DENND4C: variants seen among roughly 807,000 people sequenced by gnomAD.
The protein encoded by DENND4C is DENN domain-containing protein 4C.
In DENND4C, 108 loss-of-function variants were observed where a neutral mutation model predicts 203.0. That is an observed-to-expected ratio of 0.53 (90% CI 0.46 to 0.62). The LOEUF (loss-of-function observed/expected upper bound fraction) is 0.62, where lower values mean the gene tolerates loss of function less well. DENND4C is among the 20% of genes least tolerant of loss of function. The probability of loss-of-function intolerance (pLI) is 0.00; values close to 1 mark genes in which losing one functional copy is unlikely to be tolerated. For synonymous variants in DENND4C, 871 were observed against 792.4 expected, an observed-to-expected ratio of 1.10 and a Z score of -1.67; for missense variants, 2,481 against 2,301.2, an observed-to-expected ratio of 1.08 and a Z score of -1.60.
In DENND4C at chr9:19,372,391, C is replaced by T. The variant is rs1446002968; in HGVS notation, c.*218C>T. The stretch of plus-strand genomic sequence containing the variant: ...GCTTATTAATATTGAAGATTTTCAA[C>T]CCCTGAACTGCTTTTCTGCCTCTGT... On this transcript the variant is annotated 3_prime_UTR_variant, in exon 33 of 33. Coordinates refer to ENST00000434457, the MANE Select transcript of DENND4C (RefSeq NM_001330640.2). 2 of 457,434 alleles carry T rather than the reference C, an allele frequency of 4.4e-6. No homozygotes were observed. Among genetic ancestry groups the T allele is most frequent in the Non-Finnish European group, 7.2e-6 (2 of 277,450 alleles). 28.3% of individuals were successfully genotyped at this position (457,434 alleles called of 1,614,324 possible).
Position 19,346,861 on chromosome 9 carries a change from C to T in DENND4C, c.4092C>T (p.Pro1364=), listed in dbSNP as rs749228987. ...TFTGRFKQQT[P]SRTHKERSTS... ...CTGGGCGTTTCAAGCAGCAAACCCC[C>T]TCTCGAACTCATAAAGAACGTTCAA... The change falls in exon 23 of 33, where the codon CCC becomes CCT. Residue 1364 remains proline (P), a synonymous_variant. Coordinates refer to ENST00000434457, the MANE Select transcript of DENND4C (RefSeq NM_001330640.2). 3.3e-5 allele frequency: 53 copies of T among 1,614,112 alleles called. No homozygotes were observed. Among genetic ancestry groups the T allele is most frequent in the Non-Finnish European group, 4.2e-5 (49 of 1,180,046 alleles).
intron 30 of DENND4C, among the ~76,000 whole-genome samples, chr9:19,366,937 T>C (rs992471721): frequency 1.3e-5 from 2 of 152,186 alleles, no homozygotes; most frequent in African/African-American, 4.8e-5. Context: ...GGAGGAGATA[T>C]TTGCAAATCA....
intron 1 of DENND4C, among the ~76,000 whole-genome samples, chr9:19,241,557 C>T (rs1270042476): frequency 1.3e-5 from 2 of 148,600 alleles, no homozygotes; most frequent in Non-Finnish European, 3.0e-5. Context: ...GAAATGAAAA[C>T]ATAAGCGCAC....
intron 30 of DENND4C, among the ~76,000 whole-genome samples, chr9:19,368,758 C>G (rs1404814121): frequency 6.6e-6 from 1 of 152,048 alleles, no homozygotes; most frequent in Non-Finnish European, 1.5e-5. Flanking sequence ...TGTGATTGCA[C>G]GACTTCACTC....
intron 1 of DENND4C, among the ~76,000 whole-genome samples, chr9:19,253,382 T>C (rs904143356): frequency 2.6e-5 from 4 of 152,220 alleles, no homozygotes; most frequent in African/African-American, 9.6e-5. Context: ...CTCTTATGTA[T>C]AAAACTTTCA....
intron 12 of DENND4C, among the ~76,000 whole-genome samples, chr9:19,317,757 A>G (rs1366804964): frequency 4.6e-5 from 7 of 152,240 alleles, no homozygotes; most frequent in Non-Finnish European, 1.0e-4. Flanking sequence ...TAAAAATAGA[A>G]CAAGTACTCA....
intron 16 of DENND4C, among the ~76,000 whole-genome samples, chr9:19,328,439 C>T (rs1392333894): frequency 1.3e-5 from 2 of 151,878 alleles, no homozygotes; most frequent in South Asian, 2.1e-4. Flanking sequence ...ATGGTGAAAC[C>T]CCATCTCCAT....
chr9:19,333,140 G>A (rs894756227), intron 17 of DENND4C, among the ~76,000 whole-genome samples: 2 of 151,870 alleles, frequency 1.3e-5, no homozygotes, highest in African/African-American at 4.8e-5. Context: ...TCAGCCTCCT[G>A]AGTAGCTGGG....
rs34167347 is a variant in DENND4C at position 19,278,074 on chromosome 9, CTTTTTTT to C, written c.305+1605_305+1611del. ...TTCTAATTCATGAAGCCTTTTTTTT[CTTTTTTT>C]TTTTTTTTTGAACACTTGGTTGCTG... On this transcript the variant is annotated intron_variant, in intron 2 of 32. Coordinates refer to ENST00000434457, the MANE Select transcript of DENND4C (RefSeq NM_001330640.2). 6.7e-5 allele frequency among the ~76,000 whole-genome samples: 8 copies of C among 120,294 alleles called. No homozygotes were observed. In the East Asian group the frequency reaches 1.4e-3, roughly 22 times the overall value. 78.9% of individuals were successfully genotyped at this position (120,294 alleles called of 152,430 possible).
At chr9:19,335,206 G>A (rs1820166683) in intron 18 of DENND4C, 101 bp downstream of exon 18, 1 of 754,274 alleles carries the variant, frequency 1.3e-6, no homozygotes, top group Non-Finnish European at 1.8e-6. Context: ...GAAGTTTTGG[G>A]ATATAATTTT....
chr9:19,308,030 G>C (rs549964893), intron 10 of DENND4C, among the ~76,000 whole-genome samples: 112 of 152,040 alleles, frequency 7.4e-4, no homozygotes, highest in Non-Finnish European at 1.2e-4. Context: ...ATAGTTTTCT[G>C]TGAATTACTT....
chr9:19,351,991 C>T (rs1365567518), intron 24 of DENND4C, 82 bp from the exon 25 acceptor site: 22 of 1,075,082 alleles, frequency 2.0e-5, no homozygotes, highest in Non-Finnish European at 3.0e-5. Flanking sequence ...TATTCTGTGT[C>T]CCCCCTAAAT....
chr9:19,351,125 A>C (rs962570251), intron 24 of DENND4C, among the ~76,000 whole-genome samples: 1 of 151,974 alleles, frequency 6.6e-6, no homozygotes. Flanking sequence ...CATTTGTTGA[A>C]ATGATTGAGA....
intron 1 of DENND4C, among the ~76,000 whole-genome samples, chr9:19,246,395 T>C (rs572252035): frequency 6.6e-6 from 1 of 152,190 alleles, no homozygotes; most frequent in African/African-American, 2.4e-5. Context: ...GAAGACTATG[T>C]AATCTCTTTC....
At position 19,336,683 on chromosome 9, in the gene DENND4C, T is replaced by C. The variant is rs753277330; in HGVS notation, c.2735-3T>C. 1 of 1,550,704 alleles carries C rather than the reference T, an allele frequency of 6.4e-7. No homozygotes were observed. Among genetic ancestry groups the C allele is most frequent in the South Asian group, 1.2e-5 (1 of 83,952 alleles). On this transcript the variant is annotated splice_region_variant and splice_polypyrimidine_tract_variant and intron_variant, in intron 19 of 32. Coordinates refer to ENST00000434457, the MANE Select transcript of DENND4C (RefSeq NM_001330640.2). ...ATTGAACTGCTATTGTCCTTATCTT[T>C]AGCTCTTCAAAATGTCACAGGTGGA...
intron 21 of DENND4C, 40 bp downstream of exon 21, chr9:19,341,154 C>A: frequency 6.7e-7 from 1 of 1,481,982 alleles, no homozygotes; most frequent in Non-Finnish European, 9.2e-7. Flanking sequence ...TAGAATAATA[C>A]CTGTATTATT....
chr9:19,359,150 T>C (rs1433648360), intron 28 of DENND4C, among the ~76,000 whole-genome samples: 1 of 151,868 alleles, frequency 6.6e-6, no homozygotes, highest in East Asian at 1.9e-4. Flanking sequence ...GTTTTCAAAA[T>C]AGCGAGTTGA....
At chr9:19,301,989 G>A (rs1838688672) in intron 9 of DENND4C, among the ~76,000 whole-genome samples, 1 of 152,080 alleles carries the variant, frequency 6.6e-6, no homozygotes, top group African/African-American at 2.4e-5. Flanking sequence ...GTTTATTGAA[G>A]CCCCTTTGTC....
At position 19,286,504 on chromosome 9, in the gene DENND4C, A is replaced by G. The variant is rs148724976; in HGVS notation, c.306-265A>G. ...ATGTTTCTTATAATAAGCAATACAA[A>G]ATCAAGTTGTTCAATCCTGTTTACA... On this transcript the variant is annotated intron_variant, in intron 2 of 32. Transcript: ENST00000434457. Among the ~76,000 whole-genome samples the G allele has an allele frequency of 5.5e-3, 833 of 152,300 alleles. 8 individuals are homozygous for G. Among genetic ancestry groups the G allele is most frequent in the African/African-American group, 0.019 (774 of 41,566 alleles).
Sources: allele counts gnomAD v4.1 joint callset (sites outside exome capture counted in the v4.1 genomes callset), GRCh38; gene constraint gnomAD v4.1.1; transcripts MANE v1.5; gene names NCBI Gene and HGNC (gene_info 2026-07-23, HGNC 2026-07-21).